DACH2: variants seen among roughly 807,000 people sequenced by gnomAD.
The protein encoded by DACH2 is dachshund homolog 2.
Under a neutral mutation model 35.8 loss-of-function variants are expected in DACH2, and 17 were observed. The observed-to-expected ratio is 0.48, with a 90% CI of 0.33 to 0.71. DACH2 has a LOEUF of 0.71. Among genes scored for constraint, DACH2 ranks in the 30% least tolerant of loss-of-function variants. The pLI, the probability that DACH2 is intolerant of heterozygous loss-of-function variation, is 0.02. For synonymous variants in DACH2, 195 were observed against 177.3 expected (o/e 1.10, Z -0.79); for missense variants, 469 against 472.7 (o/e 0.99, Z 0.07).
intron 2 of DACH2, among the ~76,000 whole-genome samples, chrX:86,446,082 A>C (rs1438137223): frequency 2.7e-5 from 3 of 110,863 alleles, no homozygotes; most frequent in Non-Finnish European, 5.7e-5. Context: ...TTGCTGAATT[A>C]ATCCCTTTAT....
At chrX:86,824,456 CAT>C (rs1290275757) in intron 11 of DACH2, among the ~76,000 whole-genome samples, 1 of 111,738 alleles carries the variant, frequency 8.9e-6, no homozygotes, top group Non-Finnish European at 1.9e-5. Flanking sequence ...TTTAGACACA[CAT>C]GTTTTACAAT....
At chrX:86,158,276 G>T (rs143596113) in intron 1 of DACH2, among the ~76,000 whole-genome samples, 162 of 110,921 alleles carry the variant, frequency 1.5e-3, no homozygotes, top group African/African-American at 5.2e-3. Context: ...TAAGTTAGAC[G>T]TCAGTGAGTA....
In DACH2 at chrX:86,778,623, T is replaced by C. The variant is rs192959847; in HGVS notation, c.1241-34233T>C. 4.7e-3 allele frequency among the ~76,000 whole-genome samples: 527 copies of C among 111,271 alleles called. 3 individuals are homozygous for C. The highest frequency in any genetic ancestry group is 7.1e-3 in the Admixed American group (74 of 10,453). ...ACCTTAATAATATTTTCTTTTTCTT[T>C]TTTTTGAGACAGAGTCTCACTCTGT... is the stretch of plus-strand genomic sequence containing the variant. On this transcript the variant is annotated intron_variant, in intron 7 of 11. Transcript: ENST00000373125.
chrX:86,198,003 G>A (rs979425380), intron 1 of DACH2, among the ~76,000 whole-genome samples: 133 of 111,438 alleles, frequency 1.2e-3, no homozygotes, highest in African/African-American at 4.2e-3. Flanking sequence ...AATTGATCAC[G>A]TGATTAGACA....
intron 5 of DACH2, among the ~76,000 whole-genome samples, chrX:86,705,345 C>T (rs143671921): frequency 0.033 from 3,644 of 109,584 alleles, 156 homozygotes; most frequent in African/African-American, 0.11. Context: ...TCAGTGCATA[C>T]TTCTTGGATG....
intron 3 of DACH2, among the ~76,000 whole-genome samples, chrX:86,636,575 T>A (rs1275941763): frequency 9.0e-6 from 1 of 111,555 alleles, no homozygotes; most frequent in African/African-American, 3.3e-5. Context: ...AACTACCTGA[T>A]CTTTGACAAC....
chrX:86,191,023 T>C (rs1264612953), intron 1 of DACH2, among the ~76,000 whole-genome samples: 1 of 112,270 alleles, frequency 8.9e-6, no homozygotes, highest in African/African-American at 3.2e-5. Flanking sequence ...TAATACACTG[T>C]TCATGGGAAT....
At chrX:86,785,397 C>T (rs2042127532) in intron 7 of DACH2, among the ~76,000 whole-genome samples, 1 of 111,666 alleles carries the variant, frequency 9.0e-6, no homozygotes. Flanking sequence ...AAGGATTTAG[C>T]CCTCAGACAT....
chrX:86,546,260 T>G (rs2038954035), intron 3 of DACH2, among the ~76,000 whole-genome samples: 1 of 110,716 alleles, frequency 9.0e-6, no homozygotes, highest in African/African-American at 3.3e-5. Context: ...GAGTAGATGT[T>G]CAATGTTTGG....
chrX:86,328,391 G>C (rs1281111135), intron 1 of DACH2, among the ~76,000 whole-genome samples: 1 of 111,561 alleles, frequency 9.0e-6, no homozygotes, highest in Non-Finnish European at 1.9e-5. Context: ...CCATTAATCT[G>C]AAAGTACAAG....
chrX:86,345,581 C>G (rs1308130414), intron 1 of DACH2: 1 of 178,134 alleles, frequency 5.6e-6, no homozygotes, highest in African/African-American at 3.1e-5. Flanking sequence ...ATCAAAATGT[C>G]CTTTCCTAGA....
At chrX:86,580,311 T>G (rs1334365868) in intron 3 of DACH2, among the ~76,000 whole-genome samples, 1 of 111,762 alleles carries the variant, frequency 8.9e-6, no homozygotes, top group African/African-American at 3.2e-5. Context: ...ATCTGGCAAC[T>G]TGAAAAGCCA....
At chrX:86,791,159 T>C (rs1467185303) in intron 7 of DACH2, among the ~76,000 whole-genome samples, 1 of 110,804 alleles carries the variant, frequency 9.0e-6, no homozygotes, top group Non-Finnish European at 1.9e-5. Flanking sequence ...GTGGCAGTGG[T>C]GGAAGAAAAT....
At chrX:86,454,234 G>T (rs770680800) in intron 2 of DACH2, among the ~76,000 whole-genome samples, 1 of 111,395 alleles carries the variant, frequency 9.0e-6, no homozygotes, top group African/African-American at 3.3e-5. Context: ...TGACCTCAGA[G>T]AATCTGAGGA....
chrX:86,537,840 G>T (rs1189815503), intron 3 of DACH2, among the ~76,000 whole-genome samples: 3 of 111,357 alleles, frequency 2.7e-5, no homozygotes, highest in Non-Finnish European at 3.8e-5. Context: ...AACAACTGAA[G>T]AATCACAAAA....
rs201359223 is a variant in DACH2, at chrX:86,478,419, GT to G, written c.528-35859del. Reference sequence around the variant, plus strand: ...TTTTTTCCTTCAGTACCTTAAATATGTCATGCCACTCTCTCCTGGCCTGTAA... The same window carrying G: ...TTTTTTCCTTCAGTACCTTAAATATGCATGCCACTCTCTCCTGGCCTGTAA... On this transcript the variant is annotated intron_variant, in intron 2 of 11. Coordinates refer to ENST00000373125, the MANE Select transcript of DACH2 (RefSeq NM_053281.3). Among the ~76,000 whole-genome samples, 284 of 110,790 alleles carry G rather than the reference GT, an allele frequency of 2.6e-3. 1 individual carries two copies. The highest frequency in any genetic ancestry group is 0.018 in the Admixed American group (188 of 10,419).
In DACH2 at chrX:86,206,140, C is replaced by T. The variant is rs146508598; in HGVS notation, c.488+57032C>T. Among the ~76,000 whole-genome samples, 22 of 111,185 alleles carry T rather than the reference C, an allele frequency of 2.0e-4. No homozygotes were observed. In the East Asian group the frequency reaches 5.1e-3, roughly 26 times the overall value. On this transcript the variant is annotated intron_variant, in intron 1 of 11. Transcript: ENST00000373125. ...TGTGAAGAACCAAACCCTGATCAGT[C>T]CCTTGCTAGGAAGTTGTCCCTGATG...
chrX:86,620,072 CT>C (rs1461366126), intron 3 of DACH2, among the ~76,000 whole-genome samples: 1 of 111,938 alleles, frequency 8.9e-6, no homozygotes, highest in Non-Finnish European at 1.9e-5. Flanking sequence ...TGAAGGATGC[CT>C]TTTCAAACTT....
intron 7 of DACH2, among the ~76,000 whole-genome samples, chrX:86,777,037 G>A (rs374348622): frequency 3.6e-5 from 4 of 111,637 alleles, no homozygotes; most frequent in African/African-American, 1.3e-4. Flanking sequence ...GAATAGTGCT[G>A]CAGTAAACAT....
Sources: allele counts gnomAD v4.1 joint callset (sites outside exome capture counted in the v4.1 genomes callset), GRCh38; gene constraint gnomAD v4.1.1; transcripts MANE v1.5; gene names NCBI Gene and HGNC (gene_info 2026-07-23, HGNC 2026-07-21).